The following SLC36A1 variants were observed in gnomAD, a reference collection of about 807,000 sequenced individuals.
SLC36A1 encodes the protein solute carrier family 36 member 1.
SLC36A1 carries 30 observed loss-of-function variants against 47.5 expected under a neutral mutation model. The ratio of observed to expected loss-of-function variants is 0.63; its 90% CI spans 0.47 to 0.86. SLC36A1 has a LOEUF of 0.86. SLC36A1 is among the 40% of genes least tolerant of loss of function. The probability of loss-of-function intolerance (pLI) is 0.00; values close to 1 mark genes in which losing one functional copy is unlikely to be tolerated. For missense variants in SLC36A1, 517 were observed against 606.0 expected (o/e 0.85, Z 1.54); for synonymous variants, 255 against 249.7 (o/e 1.02, Z -0.20).
chr5:151,532,127 G>T, the SLC36A1 span, among the ~76,000 whole-genome samples: 6 of 152,196 alleles, frequency 3.9e-5, no homozygotes, highest in East Asian at 3.8e-4. Context: ...CTCCAGCGGG[G>T]TGTCTTGACT....
downstream of SLC36A1, among the ~76,000 whole-genome samples, chr5:151,496,229 CTGTT>C (rs1345803109): frequency 2.0e-5 from 3 of 152,208 alleles, no homozygotes; most frequent in African/African-American, 4.8e-5. Context: ...AACTCATTCT[CTGTT>C]TGCCTACCGC....
chr5:151,390,166 A>G, the SLC36A1 span, among the ~76,000 whole-genome samples: 4 of 152,132 alleles, frequency 2.6e-5, no homozygotes, highest in Admixed American at 1.3e-4. Flanking sequence ...GCCAGTGATG[A>G]TGAGCATTTT....
the SLC36A1 span, among the ~76,000 whole-genome samples, chr5:151,374,910 T>A: frequency 9.9e-5 from 4 of 40,274 alleles, no homozygotes; most frequent in African/African-American, 1.1e-3. Context: ...AATGTTGGGG[T>A]TTTTTTTTTT....
the SLC36A1 span, among the ~76,000 whole-genome samples, chr5:151,513,838 T>C: frequency 9.2e-5 from 14 of 152,246 alleles, no homozygotes; most frequent in Admixed American, 9.2e-4. Context: ...CATTTTTAAA[T>C]ATCTCAGTTT....
At chr5:151,374,870 G>T in the SLC36A1 span, among the ~76,000 whole-genome samples, 3 of 147,206 alleles carry the variant, frequency 2.0e-5, no homozygotes, top group African/African-American at 7.4e-5. Flanking sequence ...GTCTACATAT[G>T]TCATTTGGCA....
At chr5:151,515,860 C>A in the SLC36A1 span, among the ~76,000 whole-genome samples, 30 of 152,326 alleles carry the variant, frequency 2.0e-4, no homozygotes, top group East Asian at 5.8e-3. Flanking sequence ...TAAAATAGAT[C>A]ATTGCAATTA....
chr5:151,410,040 T>A, the SLC36A1 span, among the ~76,000 whole-genome samples: 1 of 152,212 alleles, frequency 6.6e-6, no homozygotes, highest in African/African-American at 2.4e-5. Flanking sequence ...AACAATAGGT[T>A]TCGGAGATAG....
At chr5:151,358,262 T>A in the SLC36A1 span, among the ~76,000 whole-genome samples, 1 of 146,390 alleles carries the variant, frequency 6.8e-6, no homozygotes, top group Non-Finnish European at 1.5e-5. Context: ...TAGTTTAACT[T>A]TTTTTCTTTT....
the SLC36A1 span, among the ~76,000 whole-genome samples, chr5:151,368,173 A>T: frequency 9.3e-4 from 141 of 152,328 alleles, 2 homozygotes; most frequent in East Asian, 0.027. Context: ...AACCTGCCAT[A>T]ATCAATCACA....
chr5:151,420,627 T>C, the SLC36A1 span, among the ~76,000 whole-genome samples: 80 of 152,276 alleles, frequency 5.3e-4, no homozygotes, highest in African/African-American at 1.8e-3. Flanking sequence ...CCCAACTTCA[T>C]TTAAAAATAT....
intron 6 of SLC36A1, 60 bp downstream of exon 6, chr5:151,467,343 T>C (rs1345241331): frequency 8.6e-7 from 1 of 1,168,808 alleles, no homozygotes; most frequent in African/African-American, 1.6e-5. Flanking sequence ...TGGCAAAAGA[T>C]GATTGAAGTT....
the SLC36A1 span, among the ~76,000 whole-genome samples, chr5:151,536,407 C>A: frequency 6.6e-6 from 1 of 152,172 alleles, no homozygotes; most frequent in South Asian, 2.1e-4. Flanking sequence ...CCACCCCCTG[C>A]TCAGGTATCT....
the SLC36A1 span, among the ~76,000 whole-genome samples, chr5:151,555,260 C>T: frequency 1.3e-5 from 2 of 152,126 alleles, no homozygotes; most frequent in African/African-American, 2.4e-5. Context: ...TTTTAAAAAA[C>T]ACTTTGGTGT....
the SLC36A1 span, among the ~76,000 whole-genome samples, chr5:151,379,944 A>G: frequency 1.3e-5 from 2 of 152,020 alleles, no homozygotes; most frequent in Admixed American, 6.6e-5. Flanking sequence ...TAGGTCTCTA[A>G]TCGATAATCT....
chr5:151,543,033 G>A, the SLC36A1 span: 1 of 1,614,202 alleles, frequency 6.2e-7, no homozygotes, highest in East Asian at 2.2e-5. Flanking sequence ...CAGGTGCAGA[G>A]AAAGTATACA....
At chr5:151,400,435 C>A in the SLC36A1 span, among the ~76,000 whole-genome samples, 2 of 152,130 alleles carry the variant, frequency 1.3e-5, no homozygotes, top group Admixed American at 1.3e-4. Flanking sequence ...GATTTCATGT[C>A]TTTGCTATTG....
In SLC36A1 at chr5:151,489,761, T is replaced by C. The variant is rs1759955569; in HGVS notation, c.*1507T>C. On this transcript the variant is annotated 3_prime_UTR_variant, in exon 11 of 11. Coordinates refer to ENST00000243389, the MANE Select transcript of SLC36A1 (RefSeq NM_078483.4). The surrounding 1 kb of genome is among the most constrained non-coding windows in gnomAD (Gnocchi z 4.5). ...AGTATTTCAGAAGGCCATTGATGAA[T>C]TCCCCCTCTTTAGCTGTGTATTTGT... 2 of 152,198 alleles carry C rather than the reference T, an allele frequency of 1.3e-5. No individual in the cohort carries two copies. The highest frequency in any genetic ancestry group is 4.1e-4 in the South Asian group (2 of 4,828). The allele number at this position is 152,198 out of a possible 1,614,324, so 9.4% of individuals were successfully genotyped here. A position where few individuals can be genotyped will look rare whatever the true frequency, so the allele number is the denominator to read the frequency against.
intron 9 of SLC36A1, chr5:151,477,025 T>TA: frequency 1.8e-6 from 1 of 568,220 alleles, no homozygotes; most frequent in Non-Finnish European, 3.3e-6. Flanking sequence ...AAGGACCGAG[T>TA]ATCTAGTCCA....
the SLC36A1 span, among the ~76,000 whole-genome samples, chr5:151,410,651 C>T: frequency 6.9e-6 from 1 of 144,748 alleles, no homozygotes; most frequent in East Asian, 2.3e-4. Context: ...AAACTATTCA[C>T]ATAACTTTCG....
Sources: gnomAD v4.1 joint callset for allele counts (sites outside exome capture counted in the v4.1 genomes callset) on GRCh38, gnomAD v4.1.1 for gene constraint, Gnocchi (gnomAD v3.1) non-coding constraint, MANE v1.5 for transcripts, NCBI Gene and HGNC (gene_info 2026-07-23, HGNC 2026-07-21) for gene names.